TBK1: variants seen among roughly 807,000 people sequenced by gnomAD.
TBK1 encodes the protein TANK binding kinase 1, also known as serine/threonine-protein kinase TBK1.
TBK1 carries 37 observed loss-of-function variants against 99.9 expected under a neutral mutation model. The ratio of observed to expected loss-of-function variants is 0.37; its 90% confidence interval spans 0.28 to 0.49. The LOEUF (loss-of-function observed/expected upper bound fraction) is 0.49, where lower values mean the gene tolerates loss of function less well. Among genes scored for constraint, TBK1 ranks in the 20% least tolerant of loss-of-function variants. The probability of loss-of-function intolerance (pLI) is 0.98; values close to 1 mark genes in which losing one functional copy is unlikely to be tolerated. For missense variants in TBK1, 644 were observed against 872.5 expected, an observed-to-expected ratio of 0.74 and a Z score of 3.30; for synonymous variants, 258 against 279.8, an observed-to-expected ratio of 0.92 and a Z score of 0.78.
chr12:64,452,826 C>T (rs1433355412), intron 1 of TBK1: 1 of 152,334 alleles, frequency 6.6e-6, no homozygotes, highest in Non-Finnish European at 1.5e-5. Context: ...TTTGTAATCT[C>T]TATCCCAAGT....
At position 64,490,086 on chromosome 12, in the gene TBK1, T is replaced by C; in HGVS notation, c.1488T>C (p.Gly496=). 6.2e-7 allele frequency: 1 copy of C among 1,611,790 alleles called. No homozygotes were observed. The highest frequency in any genetic ancestry group is 8.5e-7 in the Non-Finnish European group (1 of 1,178,954). The change falls in exon 13 of 21, where the codon GGT becomes GGC. Residue 496 remains glycine, a synonymous_variant. Transcript: ENST00000331710. The stretch of plus-strand genomic sequence containing the variant: ...TCAACCTGGAAGCGGCAGAGTTAGG[T>C]GAAATTTCAGACATACACACCAAAT... The part of the protein sequence containing the change: ...MKINLEAAEL[G]EISDIHTKLL...
chr12:64,496,452 G>T, intron 16 of TBK1, 46 bp downstream of exon 16: 2 of 1,021,770 alleles, frequency 2.0e-6, no homozygotes, highest in South Asian at 1.7e-5. Context: ...GTGCTATTTT[G>T]GTTATCTTTA....
At chr12:64,468,154 A>C (rs553004961) in intron 5 of TBK1, among the ~76,000 whole-genome samples, 2 of 152,082 alleles carry the variant, frequency 1.3e-5, no homozygotes, top group Non-Finnish European at 2.9e-5. Context: ...CACCACTGCA[A>C]TCTGGCCTGG....
chr12:64,484,565 T>C (rs1264661655), intron 9 of TBK1, 66 bp downstream of exon 9: 1 of 1,462,370 alleles, frequency 6.8e-7, no homozygotes, highest in African/African-American at 1.4e-5. Flanking sequence ...CTGGGCAACA[T>C]AGTGAGACCT....
chr12:64,485,674 T>G (rs1321013686), intron 10 of TBK1, 161 bp downstream of exon 10: 1 of 468,254 alleles, frequency 2.1e-6, no homozygotes, highest in African/African-American at 2.0e-5. Flanking sequence ...GGTCTTTCTT[T>G]TTTACTTTTT....
intron 4 of TBK1, among the ~76,000 whole-genome samples, chr12:64,465,353 A>G (rs1313312140): frequency 6.6e-5 from 10 of 152,008 alleles, no homozygotes; most frequent in African/African-American, 2.4e-4. Flanking sequence ...AAAACAGTCT[A>G]GAGTTCCTCA....
intron 3 of TBK1, among the ~76,000 whole-genome samples, chr12:64,461,533 A>ATT (rs1193277525): frequency 5.9e-5 from 9 of 152,232 alleles, no homozygotes; most frequent in Non-Finnish European, 1.2e-4. Flanking sequence ...CATCCTGTTT[A>ATT]TAATAAAGAA....
intron 20 of TBK1, among the ~76,000 whole-genome samples, chr12:64,498,816 C>T (rs2040956482): frequency 1.3e-5 from 2 of 151,686 alleles, no homozygotes; most frequent in Non-Finnish European, 2.9e-5. Flanking sequence ...ATTAGCTGGG[C>T]ATGGTGGTGC....
At chr12:64,454,670 A>ATTT (rs1565809913) in intron 1 of TBK1, among the ~76,000 whole-genome samples, 2 of 101,796 alleles carry the variant, frequency 2.0e-5, no homozygotes, top group Non-Finnish European at 3.9e-5. Flanking sequence ...AGAAACTCAG[A>ATTT]TCTTTTTTTT....
At chr12:64,482,893 A>C (rs573517426) in intron 8 of TBK1, among the ~76,000 whole-genome samples, 3 of 152,366 alleles carry the variant, frequency 2.0e-5, no homozygotes, top group South Asian at 4.1e-4. Flanking sequence ...CTGTACACAT[A>C]CATATACTTG....
rs2040690182 is a variant in TBK1 at position 64,474,209 on chromosome 12, TTC to T, written c.541-19_541-18del. On this transcript the variant is annotated intron_variant, in intron 5 of 20. Coordinates refer to ENST00000331710, the MANE Select transcript of TBK1 (RefSeq NM_013254.4). The stretch of plus-strand genomic sequence containing the variant: ...AATGGGTCACAGGTTCATGATTTTT[TTC>T]TTTTTTTTTTAATCTTAGCACCCTG... The T allele has an allele frequency of 6.3e-7, 1 of 1,591,584 alleles. No individual in the cohort carries two copies. The highest frequency in any genetic ancestry group is 8.5e-7 in the Non-Finnish European group (1 of 1,171,738).
intron 11 of TBK1, among the ~76,000 whole-genome samples, chr12:64,486,374 G>A (rs1318915060): frequency 1.3e-5 from 2 of 151,986 alleles, no homozygotes; most frequent in African/African-American, 2.4e-5. Flanking sequence ...AGTCCTCAAA[G>A]TCTTCCTTAA....
At chr12:64,476,115 G>GT (rs897780387) in intron 6 of TBK1, among the ~76,000 whole-genome samples, 2 of 141,112 alleles carry the variant, frequency 1.4e-5, no homozygotes, top group Admixed American at 1.4e-4. Flanking sequence ...ATGATTAGTG[G>GT]TTTTTTCATG....
At chr12:64,453,888 G>A (rs778871774) in intron 1 of TBK1, among the ~76,000 whole-genome samples, 2 of 152,112 alleles carry the variant, frequency 1.3e-5, no homozygotes, top group South Asian at 4.1e-4. Context: ...TTTATACTTG[G>A]AGGTTGGAGA....
At chr12:64,485,418 A>G in intron 9 of TBK1, 37 bp from the exon 10 acceptor site, 1 of 1,143,928 alleles carries the variant, frequency 8.7e-7, no homozygotes. Context: ...TTTTTCAAAA[A>G]GTTTTCTTTC....
chr12:64,498,638 A>C (rs1447905474), intron 20 of TBK1, among the ~76,000 whole-genome samples: 4 of 152,180 alleles, frequency 2.6e-5, no homozygotes, highest in Non-Finnish European at 5.9e-5. Flanking sequence ...ATAGGTTCTC[A>C]AACGCTTGTA....
chr12:64,484,093 C>T (rs1592368779), intron 8 of TBK1: 1 of 401,000 alleles, frequency 2.5e-6, no homozygotes. Context: ...CACAGGTATC[C>T]AAACATAAAA....
At chr12:64,472,913 C>T (rs898450702) in intron 5 of TBK1, among the ~76,000 whole-genome samples, 2 of 152,128 alleles carry the variant, frequency 1.3e-5, no homozygotes, top group African/African-American at 4.8e-5. Context: ...TGTAATATGT[C>T]CTATGTGTAA....
At chr12:64,454,513 C>T (rs2040463292) in intron 1 of TBK1, among the ~76,000 whole-genome samples, 1 of 152,048 alleles carries the variant, frequency 6.6e-6, no homozygotes, top group African/African-American at 2.4e-5. Context: ...TCCCAGAGTG[C>T]TGGGATTACA....
Sources: allele counts gnomAD v4.1 joint callset (sites outside exome capture counted in the v4.1 genomes callset), GRCh38; gene constraint gnomAD v4.1.1; transcripts MANE v1.5; gene names NCBI Gene and HGNC (gene_info 2026-07-23, HGNC 2026-07-21).